The following SPPL2A variants were observed in gnomAD, a reference collection of about 807,000 sequenced individuals.
SPPL2A encodes signal peptide peptidase-like 2A.
Under a neutral mutation model 63.8 loss-of-function variants are expected in SPPL2A, and 51 were observed. The observed-to-expected ratio is 0.80, with a 90% CI of 0.64 to 1.01. SPPL2A has a LOEUF of 1.01. SPPL2A is among the 50% of genes least tolerant of loss of function. The pLI, the probability that SPPL2A is intolerant of heterozygous loss-of-function variation, is 0.00. For synonymous variants in SPPL2A, 188 were observed against 205.8 expected, an observed-to-expected ratio of 0.91 and a Z score of 0.74; for missense variants, 553 against 622.7, an observed-to-expected ratio of 0.89 and a Z score of 1.19.
chr15:50,755,360 C>T (rs1481527707), intron 1 of SPPL2A, among the ~76,000 whole-genome samples: 1 of 151,356 alleles, frequency 6.6e-6, no homozygotes, highest in African/African-American at 2.4e-5. Context: ...GTGGCTCATG[C>T]CTGCAATCCC....
intron 9 of SPPL2A, among the ~76,000 whole-genome samples, chr15:50,732,330 AAAG>A (rs2062737494): frequency 0.017 from 3 of 174 alleles, no homozygotes; most frequent in Non-Finnish European, 0.045. Flanking sequence ...CAAATAAAAG[AAAG>A]AAAAAAAAAC....
chr15:50,736,723 T>C lies in SPPL2A; in HGVS notation c.751A>G (p.Ile251Val), dbSNP rs760243411. ...YKWLVYVMIA[I>V]FCIASAMSLY... is the part of the protein sequence containing the mutation. Reference sequence around the variant, plus strand: ...CTCATTGCTGATGCTATGCAGAAAATTGCTATCATAACATAAACTGAAAAA... The same window carrying C: ...CTCATTGCTGATGCTATGCAGAAAACTGCTATCATAACATAAACTGAAAAA... Residue 251 changes from isoleucine to valine, a missense_variant, in exon 7 of 15, where the codon ATT (isoleucine) becomes GTT (valine). Ile to Val is a conservative substitution (Grantham distance 29). Transcript: ENST00000261854. 2.3e-5 allele frequency: 37 copies of C among 1,602,506 alleles called. No homozygotes were observed. Among genetic ancestry groups the C allele is most frequent in the South Asian group, 6.6e-5 (6 of 90,554 alleles).
At position 50,725,166 on chromosome 15, in the gene SPPL2A, C is replaced by T. The variant is rs945978509; in HGVS notation, c.1249+55G>A. 3.2e-5 allele frequency: 33 copies of T among 1,030,252 alleles called. No homozygotes were observed. In the East Asian group the frequency reaches 5.5e-4, roughly 17 times the overall value. 63.8% of individuals were successfully genotyped at this position (1,030,252 alleles called of 1,614,324 possible). A position where few individuals can be genotyped will look rare whatever the true frequency, so the allele number is the denominator to read the frequency against. On this transcript the variant is annotated intron_variant, in intron 12 of 14. Coordinates refer to ENST00000261854, the MANE Select transcript of SPPL2A (RefSeq NM_032802.4). ...CTTTTAACAGATTCTATACATATGA[C>T]GATTTAAAATCATCAGTGTTTTTTT... is the stretch of plus-strand genomic sequence containing the variant.
Position 50,732,545 on chromosome 15 carries a change from A to C in SPPL2A, c.1014+58T>G, listed in dbSNP as rs576064426. ...TTTAATTGTAGGTAAATTATGCCTT[A>C]ATAAAGTTGTCTTTTAAAAATTTAT... On this transcript the variant is annotated intron_variant, in intron 9 of 14. Transcript: ENST00000261854. The C allele has an allele frequency of 7.1e-4, 764 of 1,071,772 alleles. 1 individual carries two copies. Among genetic ancestry groups the C allele is most frequent in the Non-Finnish European group, 9.9e-4 (725 of 732,552 alleles). 66.4% of individuals were successfully genotyped at this position (1,071,772 alleles called of 1,614,324 possible). A position where few individuals can be genotyped will look rare whatever the true frequency, so the allele number is the denominator to read the frequency against.
intron 14 of SPPL2A, among the ~76,000 whole-genome samples, chr15:50,714,826 C>T (rs540642269): frequency 2.0e-5 from 3 of 151,346 alleles, no homozygotes; most frequent in African/African-American, 7.3e-5. Flanking sequence ...GCCTATAATC[C>T]CAGCTACTTG....
At chr15:50,715,382 C>G (rs1309163459) in intron 14 of SPPL2A, among the ~76,000 whole-genome samples, 2 of 152,118 alleles carry the variant, frequency 1.3e-5, no homozygotes. Flanking sequence ...CTTTCCTTAA[C>G]TACAATCCTG....
At position 50,730,868 on chromosome 15, in the gene SPPL2A, CAGT is replaced by C. The variant is rs2062724549; in HGVS notation, c.1089+94_1089+96del. The C allele has an allele frequency of 9.7e-6, 6 of 619,896 alleles. No individual in the cohort carries two copies. In the Admixed American group the frequency reaches 1.8e-4, roughly 19 times the overall value. The allele number at this position is 619,896 out of a possible 1,614,324, so 38.4% of individuals were successfully genotyped here. ...TCTTTTAAGAGAATTAGAATTCACT[CAGT>C]GGTAAACATCTGCAAAATTAATAAT... is the stretch of plus-strand genomic sequence containing the variant. On this transcript the variant is annotated intron_variant, in intron 10 of 14. Transcript: ENST00000261854.
intron 5 of SPPL2A, among the ~76,000 whole-genome samples, chr15:50,741,775 G>A (rs1196475006): frequency 6.6e-6 from 1 of 151,704 alleles, no homozygotes; most frequent in Non-Finnish European, 1.5e-5. Context: ...ATACCAGCCT[G>A]GCCAACATGA....
intron 3 of SPPL2A, 43 bp from the exon 4 acceptor site, chr15:50,748,245 A>G: frequency 1.4e-6 from 1 of 720,266 alleles, no homozygotes. Flanking sequence ...CTACTAATAT[A>G]TTTATAGAAT....
chr15:50,719,405 C>T lies in SPPL2A; in HGVS notation c.1488+535G>A, dbSNP rs140943112. On this transcript the variant is annotated intron_variant, in intron 14 of 14. Transcript: ENST00000261854. The stretch of plus-strand genomic sequence containing the variant: ...GATTACAGGCGCCTGCCACAACACC[C>T]GGCTAATTTTTTGTATTTTTAGTAG... Among the ~76,000 whole-genome samples, 1,517 of 152,122 alleles carry T rather than the reference C, an allele frequency of 1.0e-2. 8 individuals are homozygous for T. Among genetic ancestry groups the T allele is most frequent in the East Asian group, 0.021 (107 of 5,158 alleles).
At chr15:50,759,457 A>G (rs549839274) in intron 1 of SPPL2A, among the ~76,000 whole-genome samples, 10 of 152,200 alleles carry the variant, frequency 6.6e-5, no homozygotes, top group Admixed American at 5.2e-4. Flanking sequence ...TTAATAAGAA[A>G]AAAAGGCCAG....
chr15:50,757,411 A>C (rs924845762), intron 1 of SPPL2A, among the ~76,000 whole-genome samples: 1 of 151,282 alleles, frequency 6.6e-6, no homozygotes, highest in African/African-American at 2.4e-5. Flanking sequence ...TCTTCTAAAT[A>C]CTCCCAATTC....
Position 50,739,781 on chromosome 15 carries a change from T to G in SPPL2A, c.632A>C (p.Lys211Thr). 2 of 1,604,946 alleles carry G rather than the reference T, an allele frequency of 1.2e-6. No homozygotes were observed. Among genetic ancestry groups the G allele is most frequent in the Non-Finnish European group, 1.7e-6 (2 of 1,176,766 alleles). ...ACTAAAAGTTAAATATTCTTCCTTC[T>G]TTTTCCTCATTTCTCTATCTTCAGT... ...VTTEDREMRK[K>T]KEEYLTFSPL... Residue 211 changes from lysine to threonine, a missense_variant, in exon 6 of 15, where the codon AAG becomes ACG. Physicochemically the swap from Lys to Thr is moderately conservative, Grantham distance 78 (BLOSUM62 -1). Transcript: ENST00000261854.
Position 50,747,589 on chromosome 15 carries a change from A to G in SPPL2A, c.490T>C (p.Ser164Pro). The G allele has an allele frequency of 1.2e-6, 2 of 1,610,286 alleles. No individual in the cohort carries two copies. The highest frequency in any genetic ancestry group is 1.7e-6 in the Non-Finnish European group (2 of 1,177,106). The change falls in exon 5 of 15, where the codon TCG becomes CCG. Residue 164 changes from serine to proline, a missense_variant. Transcript: ENST00000261854. ...DNITVKMYSP[S>P]WPNFDYTMVV... ...ATAGTATAATCAAAGTTAGGCCACG[A>G]TGGAGAATACATTTTCACAGTAATG...
At chr15:50,746,689 CAT>C (rs2062861004) in intron 5 of SPPL2A, 1 of 119,102 alleles carries the variant, frequency 8.4e-6, no homozygotes, top group Non-Finnish European at 1.6e-5. Flanking sequence ...TTTTTGGAGA[CAT>C]AGTCTCACTC....
At chr15:50,714,594 G>A (rs929940844) in intron 14 of SPPL2A, among the ~76,000 whole-genome samples, 14 of 146,544 alleles carry the variant, frequency 9.6e-5, no homozygotes, top group African/African-American at 3.0e-4. Flanking sequence ...TAGTATCATC[G>A]CACTCCAGCC....
chr15:50,758,865 C>G (rs2062984475), intron 1 of SPPL2A, among the ~76,000 whole-genome samples: 1 of 152,026 alleles, frequency 6.6e-6, no homozygotes, highest in African/African-American at 2.4e-5. Flanking sequence ...TTTTAAACAA[C>G]TGATCAAATA....
At chr15:50,746,664 C>CTTTTTTTT (rs35816281) in intron 5 of SPPL2A, 1 of 116,512 alleles carries the variant, frequency 8.6e-6, no homozygotes, top group African/African-American at 3.5e-5. Context: ...TAATTATTTA[C>CTTTTTTTT]TTTTTTTTTT....
intron 1 of SPPL2A, among the ~76,000 whole-genome samples, chr15:50,760,314 G>A (rs952114843): frequency 6.6e-6 from 1 of 151,766 alleles, no homozygotes; most frequent in African/African-American, 2.4e-5. Flanking sequence ...AGGCTGGAGT[G>A]CAAAGGCACG....
Sources: gnomAD v4.1 joint callset for allele counts (sites outside exome capture counted in the v4.1 genomes callset) on GRCh38, gnomAD v4.1.1 for gene constraint, MANE v1.5 for transcripts, NCBI Gene and HGNC (gene_info 2026-07-23, HGNC 2026-07-21) for gene names.